DGKH: variants seen among roughly 807,000 people sequenced by gnomAD.
The protein encoded by DGKH is diacylglycerol kinase eta, also known as DAG kinase eta.
Under a neutral mutation model 159.3 loss-of-function variants are expected in DGKH, and 90 were observed. That is an observed-to-expected ratio of 0.57 (90% CI 0.48 to 0.67). The LOEUF is 0.67. Among genes scored for constraint, DGKH ranks in the 30% least tolerant of loss-of-function variants. The pLI, the probability that DGKH is intolerant of heterozygous loss-of-function variation, is 0.00. For missense variants in DGKH, 1,181 were observed against 1,506.1 expected (o/e 0.78, Z 3.57); for synonymous variants, 536 against 553.8 (o/e 0.97, Z 0.45).
chr13:42,091,152 G>A (rs1354327462), intron 1 of DGKH, among the ~76,000 whole-genome samples: 1 of 152,150 alleles, frequency 6.6e-6, no homozygotes, highest in Non-Finnish European at 1.5e-5. Flanking sequence ...TATCTCAAAA[G>A]TGATCAAAGA....
chr13:42,196,325 CA>C, intron 17 of DGKH, among the ~76,000 whole-genome samples: 1 of 152,288 alleles, frequency 6.6e-6, no homozygotes, highest in East Asian at 1.9e-4. Context: ...ATTGAAAATA[CA>C]TGTCTACACA....
intron 11 of DGKH, 37 bp downstream of exon 11, chr13:42,168,855 T>C (rs2138018090): frequency 6.4e-7 from 1 of 1,574,544 alleles, no homozygotes; most frequent in East Asian, 2.3e-5. Context: ...AGATGGAAAA[T>C]GGCATACTGA....
chr13:42,194,472 G>T (rs549842220), intron 16 of DGKH, among the ~76,000 whole-genome samples: 1 of 152,170 alleles, frequency 6.6e-6, no homozygotes, highest in Non-Finnish European at 1.5e-5. Flanking sequence ...CATGTTTCAC[G>T]TGTTTGCTCT....
chr13:42,142,267 G>A (rs918608847), intron 3 of DGKH, among the ~76,000 whole-genome samples: 10 of 152,064 alleles, frequency 6.6e-5, no homozygotes, highest in African/African-American at 2.4e-4. Context: ...GTCTGTTTTG[G>A]TACCAGTACC....
At chr13:42,076,696 A>AATAATTT (rs1398304973) in intron 1 of DGKH, among the ~76,000 whole-genome samples, 1 of 152,174 alleles carries the variant, frequency 6.6e-6, no homozygotes, top group African/African-American at 2.4e-5. Context: ...TTTTACCACA[A>AATAATTT]ATAATTTATG....
At chr13:42,181,243 C>T (rs1419380737) in intron 13 of DGKH, among the ~76,000 whole-genome samples, 1 of 146,000 alleles carries the variant, frequency 6.8e-6, no homozygotes, top group Non-Finnish European at 1.5e-5. Context: ...CGCCACTGCA[C>T]TCCCGCCTGG....
chr13:42,093,059 C>A (rs1048203053), intron 1 of DGKH, among the ~76,000 whole-genome samples: 1 of 152,002 alleles, frequency 6.6e-6, no homozygotes, highest in African/African-American at 2.4e-5. Context: ...GCCAGGGCAA[C>A]ATGGTGAAGC....
chr13:42,129,023 A>G (rs911089011), intron 2 of DGKH, among the ~76,000 whole-genome samples: 7 of 152,258 alleles, frequency 4.6e-5, no homozygotes, highest in African/African-American at 1.4e-4. Context: ...TTGGATGTTA[A>G]GAGTATACAA....
At chr13:42,253,403 T>G (rs1958634218) in intron 30 of DGKH, among the ~76,000 whole-genome samples, 1 of 152,222 alleles carries the variant, frequency 6.6e-6, no homozygotes, top group Non-Finnish European at 1.5e-5. Context: ...TGCCTTGATC[T>G]TGGACTTCTC....
Position 42,161,519 on chromosome 13 carries a change from C to T in DGKH, c.855+1383C>T, listed in dbSNP as rs542455391. On this transcript the variant is annotated intron_variant, in intron 7 of 29. Transcript: ENST00000337343. ...AAAATTAGCTGGGCGTGGTGGTGGG[C>T]GCCTGTAATCCCAGCACTTTGGGAG... 4.6e-4 allele frequency among the ~76,000 whole-genome samples: 67 copies of T among 144,700 alleles called. 2 individuals carry two copies. Among genetic ancestry groups the T allele is most frequent in the Non-Finnish European group, 3.3e-4 (21 of 64,578 alleles). 94.9% of individuals were successfully genotyped at this position (144,700 alleles called of 152,430 possible).
rs1042661137 is a variant in DGKH at position 42,238,607 on chromosome 13, A to C, written c.*9419A>C. 1 of 152,138 alleles carries C rather than the reference A, an allele frequency of 6.6e-6. No individual in the cohort carries two copies. Among genetic ancestry groups the C allele is most frequent in the South Asian group, 2.1e-4 (1 of 4,830 alleles). The allele number at this position is 152,138 out of a possible 1,614,324, so 9.4% of individuals were successfully genotyped here. A position where few individuals can be genotyped will look rare whatever the true frequency, so the allele number is the denominator to read the frequency against. On this transcript the variant is annotated 3_prime_UTR_variant, in exon 30 of 30. Coordinates refer to ENST00000337343, the MANE Select transcript of DGKH (RefSeq NM_178009.5). ...GTTCCTTTCTCTGTACTGAGTTCTG[A>C]ATGTTTAATCCAGAGCATGGATCAC...
chr13:42,135,232 C>T (rs1955375824), intron 3 of DGKH, among the ~76,000 whole-genome samples: 1 of 151,876 alleles, frequency 6.6e-6, no homozygotes, highest in Non-Finnish European at 1.5e-5. Context: ...GGCATGGTGG[C>T]TCATGCCTGT....
intron 1 of DGKH, among the ~76,000 whole-genome samples, chr13:42,041,428 C>T (rs1259130023): frequency 6.6e-6 from 1 of 152,160 alleles, no homozygotes; most frequent in Non-Finnish European, 1.5e-5. Flanking sequence ...AAAGCTTGGG[C>T]GTCTGGAGGG....
At chr13:42,111,830 C>T (rs1213368090) in intron 1 of DGKH, among the ~76,000 whole-genome samples, 1 of 152,194 alleles carries the variant, frequency 6.6e-6, no homozygotes, top group Non-Finnish European at 1.5e-5. Flanking sequence ...GCACAGGCTG[C>T]AGCATAACTG....
intron 1 of DGKH, among the ~76,000 whole-genome samples, chr13:42,059,920 T>A (rs543193444): frequency 4.7e-4 from 60 of 128,776 alleles, no homozygotes; most frequent in African/African-American, 8.1e-4. Flanking sequence ...TTTTTTTTTT[T>A]ATATATATAG....
chr13:42,181,462 G>C (rs1310483680), intron 13 of DGKH: 2 of 158,880 alleles, frequency 1.3e-5, no homozygotes, highest in Non-Finnish European at 1.4e-5. Flanking sequence ...AGCTGAACTT[G>C]ATTAGGCCAG....
At chr13:42,152,280 T>G (rs371216709) in intron 3 of DGKH, among the ~76,000 whole-genome samples, 2 of 152,142 alleles carry the variant, frequency 1.3e-5, no homozygotes, top group East Asian at 1.9e-4. Context: ...TGACTAAACA[T>G]TAATAACTAT....
rs188304207 is a variant in DGKH, at chr13:42,113,097, C to A, written c.193-14366C>A. On this transcript the variant is annotated intron_variant, in intron 1 of 29. Transcript: ENST00000337343. ...TGCTCAGTCATTAAACCTAAATTAG[C>A]TTCTGCTCCTACTCCTGGGTGGGGG... is the stretch of plus-strand genomic sequence containing the variant. Among the ~76,000 whole-genome samples the A allele has an allele frequency of 9.9e-5, 15 of 152,280 alleles. No homozygotes were observed. The East Asian group carries it at 2.9e-3, about 29-fold the overall frequency.
chr13:42,204,273 A>C (rs1957411256), intron 20 of DGKH, among the ~76,000 whole-genome samples: 2 of 152,192 alleles, frequency 1.3e-5, no homozygotes, highest in African/African-American at 4.8e-5. Flanking sequence ...GGTTGAGAAA[A>C]AGTTTATTAT....
Sources: allele counts gnomAD v4.1 joint callset (sites outside exome capture counted in the v4.1 genomes callset), GRCh38; gene constraint gnomAD v4.1.1; transcripts MANE v1.5; gene names NCBI Gene and HGNC (gene_info 2026-07-23, HGNC 2026-07-21).